The following CMTR1 variants were observed in gnomAD, a reference collection of about 807,000 sequenced individuals.
CMTR1 encodes the protein cap-specific mRNA (nucleoside-2'-O-)-methyltransferase 1.
CMTR1 carries 39 observed loss-of-function variants against 107.0 expected under a neutral mutation model. That is an observed-to-expected ratio of 0.36 (90% CI 0.28 to 0.48). CMTR1 has a LOEUF of 0.48. CMTR1 is among the 20% of genes least tolerant of loss of function. CMTR1 has a pLI of 0.99. For missense variants in CMTR1, 672 were observed against 1,064.9 expected, an observed-to-expected ratio of 0.63 and a Z score of 5.14; for synonymous variants, 366 against 379.5, an observed-to-expected ratio of 0.96 and a Z score of 0.41.
At chr6:37,446,563 A>G in intron 4 of CMTR1, 114 bp downstream of exon 4, 1 of 1,282,420 alleles carries the variant, frequency 7.8e-7, no homozygotes, top group Non-Finnish European at 1.1e-6. Context: ...AGCAAAGTGG[A>G]ATTAGTTTTT....
chr6:37,478,344 C>A, intron 21 of CMTR1, 65 bp from the exon 22 acceptor site: 1 of 1,275,886 alleles, frequency 7.8e-7, no homozygotes. Context: ...TTTTATTAGT[C>A]AGAGACTAAT....
At chr6:37,478,806 A>G (rs185659578) in intron 22 of CMTR1, among the ~76,000 whole-genome samples, 15 of 152,322 alleles carry the variant, frequency 9.8e-5, no homozygotes, top group African/African-American at 3.6e-4. Flanking sequence ...AGTAGACAGC[A>G]GCAAATCCAG....
rs989675635 is a variant in CMTR1, at chr6:37,455,161, C to T, written c.777+1849C>T. Among the ~76,000 whole-genome samples, 3 of 152,048 alleles carry T rather than the reference C, an allele frequency of 2.0e-5. No individual in the cohort carries two copies. In the South Asian group the frequency reaches 6.2e-4, roughly 32 times the overall value. On this transcript the variant is annotated intron_variant, in intron 8 of 23. Coordinates refer to ENST00000373451, the MANE Select transcript of CMTR1 (RefSeq NM_015050.3). ...GTGCGATGGCGCGATCTCAGCTCACCTCAACCTCCGCCTCTCGGGTTCACG... is the reference window on the plus strand; with the variant it reads ...GTGCGATGGCGCGATCTCAGCTCACTTCAACCTCCGCCTCTCGGGTTCACG...
chr6:37,434,100 C>T (rs1771466393), intron 1 of CMTR1, among the ~76,000 whole-genome samples: 1 of 152,106 alleles, frequency 6.6e-6, no homozygotes, highest in Non-Finnish European at 1.5e-5. Flanking sequence ...ACCCTGGGGG[C>T]CTTTTGGGGG....
rs369309820 is a variant in CMTR1 at position 37,449,144 on chromosome 6, C to G, written c.445-1107C>G. On this transcript the variant is annotated intron_variant, in intron 4 of 23. Transcript: ENST00000373451. ...TTTTTTTAGTAGAGACAGAGTCTTG[C>G]TGTGTTGCCCAGACTGGTCTTAAAC... Among the ~76,000 whole-genome samples, 24 of 152,114 alleles carry G rather than the reference C, an allele frequency of 1.6e-4. No homozygotes were observed. In the East Asian group the frequency reaches 4.3e-3, roughly 27 times the overall value.
chr6:37,446,677 C>T (rs1367501363), intron 4 of CMTR1, among the ~76,000 whole-genome samples: 8 of 152,172 alleles, frequency 5.3e-5, no homozygotes, highest in South Asian at 2.1e-4. Context: ...CTAAGACCAA[C>T]GGGTAGAAGA....
chr6:37,471,197 A>G, intron 14 of CMTR1, 120 bp downstream of exon 14: 1 of 824,330 alleles, frequency 1.2e-6, no homozygotes, highest in Non-Finnish European at 1.9e-6. Context: ...CTTTTTTCTC[A>G]TACTCTGCTA....
intron 1 of CMTR1, among the ~76,000 whole-genome samples, chr6:37,434,881 G>C (rs1203230876): frequency 1.3e-5 from 2 of 152,128 alleles, no homozygotes; most frequent in African/African-American, 2.4e-5. Flanking sequence ...CAAAGTGCTG[G>C]GATTACAGGC....
intron 10 of CMTR1, among the ~76,000 whole-genome samples, chr6:37,461,322 G>C (rs1408607874): frequency 2.0e-5 from 3 of 152,186 alleles, no homozygotes; most frequent in African/African-American, 7.2e-5. Flanking sequence ...GAGAATGACA[G>C]AGCAGGAAAG....
intron 5 of CMTR1, 101 bp from the exon 6 acceptor site, chr6:37,451,705 G>A (rs1761175450): frequency 1.2e-6 from 1 of 808,400 alleles, no homozygotes; most frequent in African/African-American, 1.7e-5. Flanking sequence ...AGAGAACCAA[G>A]TCCCTTCTTG....
chr6:37,463,900 G>A (rs1349130543), intron 13 of CMTR1, among the ~76,000 whole-genome samples: 1 of 152,204 alleles, frequency 6.6e-6, no homozygotes, highest in Non-Finnish European at 1.5e-5. Flanking sequence ...AGATGAGGAA[G>A]CAAACAGGCC....
chr6:37,462,201 A>G (rs1761414953), intron 12 of CMTR1, 99 bp downstream of exon 12: 2 of 1,427,974 alleles, frequency 1.4e-6, no homozygotes, highest in Non-Finnish European at 2.0e-6. Flanking sequence ...AGCTACGTTT[A>G]AAACCTTGAC....
chr6:37,473,472 C>A lies in CMTR1; in HGVS notation c.1692C>A (p.Gly564=). ...TTTTCTCTGACTCGTGGCTGCAGGG[C>A]ACTGAGATTGACATCTTCAGCTACA... The part of the protein sequence containing the change: ...PKSKFFELIQ[G]TEIDIFSYKP... The change falls in exon 17 of 24, where the codon GGC becomes GGA. Residue 564 remains glycine (G), a splice_region_variant and synonymous_variant. Transcript: ENST00000373451. 1 of 1,613,104 alleles carries A rather than the reference C, an allele frequency of 6.2e-7. No individual in the cohort carries two copies. Among genetic ancestry groups the A allele is most frequent in the South Asian group, 1.1e-5 (1 of 90,910 alleles).
intron 19 of CMTR1, 155 bp from the exon 20 acceptor site, chr6:37,475,953 TCGGTGGAGAAGGGCAGGG>T (rs1297772122): frequency 3.2e-6 from 2 of 622,532 alleles, no homozygotes; most frequent in East Asian, 5.5e-5. Flanking sequence ...AATAAAGACG[TCGGTGGAGAAGGGCAGGG>T]CGGGCTTCCT....
rs138671800 is a variant in CMTR1, at chr6:37,460,530, C to CT, written c.1095+859dup. On this transcript the variant is annotated intron_variant, in intron 10 of 23. Coordinates refer to ENST00000373451, the MANE Select transcript of CMTR1 (RefSeq NM_015050.3). ...CAGCAGTGTAAAGGGGTGACCTGGGCTTTTTTTTTTTTTAATTGACCCCAT... is the reference window on the plus strand; with the variant it reads ...CAGCAGTGTAAAGGGGTGACCTGGGCTTTTTTTTTTTTTTAATTGACCCCAT... Among the ~76,000 whole-genome samples, 566 of 141,006 alleles carry CT rather than the reference C, an allele frequency of 4.0e-3. 2 individuals are homozygous for CT. Among genetic ancestry groups the CT allele is most frequent in the African/African-American group, 0.013 (484 of 38,634 alleles). The allele number at this position is 141,006 out of a possible 152,430, so 92.5% of individuals were successfully genotyped here.
chr6:37,472,212 G>C lies in CMTR1; in HGVS notation c.1621-207G>C, dbSNP rs2113891675. ...GACAACAGAGAGCCCCAGAGAAAAG[G>C]AAGTAGCCTTTGGGGTCCATTGCCA... On this transcript the variant is annotated intron_variant, in intron 15 of 23. Transcript: ENST00000373451. The surrounding 1 kb of genome is among the most constrained non-coding windows in gnomAD (Gnocchi z 4.1). Among the ~76,000 whole-genome samples the C allele has an allele frequency of 6.6e-6, 1 of 152,268 alleles. No individual in the cohort carries two copies. The highest frequency in any genetic ancestry group is 1.9e-4 in the East Asian group (1 of 5,178).
intron 17 of CMTR1, among the ~76,000 whole-genome samples, chr6:37,474,230 C>T (rs115823007): frequency 4.6e-5 from 7 of 152,210 alleles, no homozygotes; most frequent in African/African-American, 7.2e-5. Context: ...TAGACATATA[C>T]GAAACTGGAT....
At chr6:37,446,503 T>G in intron 4 of CMTR1, 54 bp downstream of exon 4, 1 of 1,570,700 alleles carries the variant, frequency 6.4e-7, no homozygotes, top group South Asian at 1.2e-5. Context: ...TTTGGATGCA[T>G]GGCTTTAAGA....
intron 15 of CMTR1, 59 bp downstream of exon 15, chr6:37,471,963 G>A (rs1440224174): frequency 6.6e-7 from 1 of 1,511,544 alleles, no homozygotes; most frequent in African/African-American, 1.4e-5. Flanking sequence ...AGAAGAATGG[G>A]GTTGACTCCC....
Sources: allele counts gnomAD v4.1 joint callset (sites outside exome capture counted in the v4.1 genomes callset), GRCh38; gene constraint gnomAD v4.1.1; non-coding constraint Gnocchi (gnomAD v3.1); transcripts MANE v1.5; gene names NCBI Gene and HGNC (gene_info 2026-07-23, HGNC 2026-07-21).